FRY: variants seen among roughly 807,000 people sequenced by gnomAD.
FRY encodes the protein protein furry homolog.
Under a neutral mutation model 348.4 loss-of-function variants are expected in FRY, and 128 were observed. The ratio of observed to expected loss-of-function variants is 0.37; its 90% CI spans 0.32 to 0.43. The LOEUF (loss-of-function observed/expected upper bound fraction) is 0.43, where lower values mean the gene tolerates loss of function less well. Ranked by LOEUF, FRY falls within the 20% of genes least tolerant of loss-of-function variation. The pLI is 1.00. For missense variants in FRY, 2,736 were observed against 3,695.2 expected, an observed-to-expected ratio of 0.74 and a Z score of 6.73; for synonymous variants, 1,370 against 1,374.7, an observed-to-expected ratio of 1.00 and a Z score of 0.08.
intron 40 of FRY, among the ~76,000 whole-genome samples, chr13:32,229,187 CA>C (rs1293717638): frequency 6.6e-6 from 1 of 152,116 alleles, no homozygotes; most frequent in African/African-American, 2.4e-5. Context: ...AAATCAAAAC[CA>C]AGAAAAACTG....
intron 57 of FRY, 93 bp downstream of exon 57, chr13:32,276,655 G>T (rs1888551157): frequency 2.6e-6 from 2 of 767,086 alleles, no homozygotes; most frequent in South Asian, 1.4e-5. Context: ...ATTAACTTAA[G>T]ACTTTCAGAC....
At chr13:32,258,779 C>G (rs1887472242) in intron 51 of FRY, among the ~76,000 whole-genome samples, 1 of 148,072 alleles carries the variant, frequency 6.8e-6, no homozygotes, top group Non-Finnish European at 1.5e-5. Context: ...AAAGGGGGTA[C>G]TAATAATATT....
chr13:32,243,934 A>T, intron 46 of FRY, 108 bp from the exon 47 acceptor site: 1 of 1,297,216 alleles, frequency 7.7e-7, no homozygotes, highest in Non-Finnish European at 1.1e-6. Flanking sequence ...TCCTAAAAAA[A>T]TAAAAAATAA....
chr13:32,147,594 GT>G (rs999307156), intron 12 of FRY, among the ~76,000 whole-genome samples: 1 of 152,158 alleles, frequency 6.6e-6, no homozygotes, highest in African/African-American at 2.4e-5. Flanking sequence ...GGATCAACAA[GT>G]TCCACTTCCA....
Position 32,147,390 on chromosome 13 carries a change from G to T in FRY, c.1283+5G>T. The T allele has an allele frequency of 6.5e-7, 1 of 1,545,466 alleles. No homozygotes were observed. ...AAGCAACACAGCTACTCAGAGGTAA[G>T]ATTTGGCTTGTGTCAATGGTAACCA... On this transcript the variant is annotated splice_donor_5th_base_variant and intron_variant, in intron 12 of 60. Coordinates refer to ENST00000542859, the MANE Select transcript of FRY (RefSeq NM_023037.3).
At chr13:32,282,595 A>C (rs961626365) in intron 58 of FRY, among the ~76,000 whole-genome samples, 1 of 152,216 alleles carries the variant, frequency 6.6e-6, no homozygotes, top group Non-Finnish European at 1.5e-5. Flanking sequence ...GCCAGTAGAA[A>C]ATTCCTAATC....
At chr13:32,259,979 G>A (rs4331229) in intron 51 of FRY, among the ~76,000 whole-genome samples, 33,684 of 152,014 alleles carry the variant, frequency 0.22, 4,581 homozygotes, top group Non-Finnish European at 0.31. Context: ...AATATCATAT[G>A]TGAGGATGAA....
intron 23 of FRY, among the ~76,000 whole-genome samples, chr13:32,182,730 T>G (rs1323514132): frequency 6.6e-6 from 1 of 152,152 alleles, no homozygotes; most frequent in Non-Finnish European, 1.5e-5. Flanking sequence ...CAAAATCAAG[T>G]CAACAAATAG....
intron 2 of FRY, among the ~76,000 whole-genome samples, chr13:32,084,084 T>G (rs1473011846): frequency 1.3e-5 from 2 of 152,154 alleles, no homozygotes; most frequent in Non-Finnish European, 2.9e-5. Context: ...ACTTACTCCG[T>G]GTGAGCTTTT....
intron 7 of FRY, 87 bp downstream of exon 7, chr13:32,124,962 C>A: frequency 1.0e-6 from 1 of 962,260 alleles, no homozygotes; most frequent in Non-Finnish European, 1.7e-6. Context: ...TGGGGTTGAG[C>A]TTACAAGGAA....
chr13:32,275,970 TAA>T (rs1024474108), intron 56 of FRY, among the ~76,000 whole-genome samples: 1 of 152,140 alleles, frequency 6.6e-6, no homozygotes, highest in East Asian at 1.9e-4. Flanking sequence ...GCTTTGATTT[TAA>T]AAGTCTCTGA....
chr13:32,188,727 T>C lies in FRY; in HGVS notation c.3591+1071T>C, dbSNP rs545221519. On this transcript the variant is annotated intron_variant, in intron 28 of 60. Coordinates refer to ENST00000542859, the MANE Select transcript of FRY (RefSeq NM_023037.3). ...ATCTCTTGGTAGCCATTGTTTTTAT[T>C]GTGCTTTGTTTTTAGGATAGCACTG... Among the ~76,000 whole-genome samples the C allele has an allele frequency of 1.9e-4, 29 of 152,270 alleles. 1 individual carries two copies. The highest frequency in any genetic ancestry group is 1.8e-3 in the Admixed American group (28 of 15,290).
intron 1 of FRY, among the ~76,000 whole-genome samples, chr13:32,063,482 T>C (rs969785464): frequency 2.6e-5 from 4 of 152,194 alleles, no homozygotes; most frequent in African/African-American, 9.7e-5. Flanking sequence ...CACTTTGCAT[T>C]GTGACCCAGA....
At chr13:32,251,248 C>A (rs73444621) in intron 49 of FRY, among the ~76,000 whole-genome samples, 2,073 of 152,202 alleles carry the variant, frequency 0.014, 42 homozygotes, top group African/African-American at 0.046. Flanking sequence ...TCCCTATGGT[C>A]AAGGGGCTGG....
chr13:32,239,823 G>T lies in FRY; in HGVS notation c.6629G>T (p.Arg2210Leu). Residue 2210 changes from arginine (R) to leucine (L), a missense_variant, in exon 46 of 61, where the codon CGA becomes CTA. By Grantham distance (102) the Arg-to-Leu change is moderately radical (BLOSUM62 -2). This residue lies in a region of FRY where 789 missense variants were observed against 996.2 expected (regional missense o/e 0.79). Coordinates refer to ENST00000542859, the MANE Select transcript of FRY (RefSeq NM_023037.3). This position sits in a 1 kb window ranked among gnomAD's most constrained non-coding sequence, Gnocchi z 4.3. ...GCCACGTGGGTCAATGTGGTCTGTC[G>T]ATACCTTCATGAAGCATATGCTGAC... ...DCATWVNVVCRYLHEAYADIT... is the reference protein window; with the variant it reads ...DCATWVNVVCLYLHEAYADIT... 1.2e-6 allele frequency: 2 copies of T among 1,614,040 alleles called. No individual in the cohort carries two copies. The highest frequency in any genetic ancestry group is 1.7e-6 in the Non-Finnish European group (2 of 1,179,990).
At chr13:32,193,286 G>T (rs2138293176) in intron 28 of FRY, among the ~76,000 whole-genome samples, 1 of 151,804 alleles carries the variant, frequency 6.6e-6, no homozygotes, top group South Asian at 2.1e-4. Context: ...AGTATATTTA[G>T]TAACCAATCC....
chr13:32,160,986 A>G (rs1489324750), intron 16 of FRY, among the ~76,000 whole-genome samples, 158 bp from the exon 17 acceptor site: 8 of 152,218 alleles, frequency 5.3e-5, no homozygotes, highest in Non-Finnish European at 7.3e-5. Context: ...GAACTGGTCA[A>G]GCTACAAAGG....
At position 32,237,528 on chromosome 13, in the gene FRY, A is replaced by G; in HGVS notation, c.5960A>G (p.Lys1987Arg). The change falls in exon 44 of 61, where the codon AAG becomes AGG. Residue 1987 changes from lysine to arginine, a missense_variant. This residue lies in a region of FRY where 12 missense variants were observed against 38.6 expected (regional missense o/e 0.31). Coordinates refer to ENST00000542859, the MANE Select transcript of FRY (RefSeq NM_023037.3). The surrounding 1 kb of genome is among the most constrained non-coding windows in gnomAD (Gnocchi z 6.3). ...CAACGAAGCTTCTCTGTGCCCAAGA[A>G]GTTTGGTGTCATCGACCGATCCTCT... ...RHQRSFSVPKKFGVIDRSSDP... is the reference protein window; with the variant it reads ...RHQRSFSVPKRFGVIDRSSDP... The G allele has an allele frequency of 6.2e-7, 1 of 1,614,152 alleles. No individual in the cohort carries two copies. The highest frequency in any genetic ancestry group is 1.1e-5 in the South Asian group (1 of 91,082).
rs1010273387 is a variant in FRY, at chr13:32,225,014, A to C, written c.4998A>C (p.Leu1666Phe). Residue 1666 changes from leucine to phenylalanine, a missense_variant, in exon 38 of 61, where the codon TTA becomes TTC. Leu to Phe is a conservative substitution (Grantham distance 22, BLOSUM62 0). Transcript: ENST00000542859. The stretch of plus-strand genomic sequence containing the variant: ...AAGACTGGGCGCTTCATCTACCATT[A>C]TTACTTCATGCTGTCTTCTTAGGTA... ...VREDWALHLP[L>F]LLHAVFLGLD... The C allele has an allele frequency of 6.2e-7, 1 of 1,601,132 alleles. No homozygotes were observed. Among genetic ancestry groups the C allele is most frequent in the African/African-American group, 1.3e-5 (1 of 74,798 alleles).
Sources: gnomAD v4.1 joint callset for allele counts (sites outside exome capture counted in the v4.1 genomes callset) on GRCh38, gnomAD v4.1.1 for gene constraint, gnomAD v4.1.1 regional missense constraint, Gnocchi (gnomAD v3.1) non-coding constraint, MANE v1.5 for transcripts, NCBI Gene and HGNC (gene_info 2026-07-23, HGNC 2026-07-21) for gene names.